PRSS56: variants seen among roughly 807,000 people sequenced by gnomAD.
PRSS56 encodes the protein protease, serine 56.
A neutral mutation model predicts 66.8 loss-of-function variants in PRSS56; 55 were observed. That is an observed-to-expected ratio of 0.82 (90% confidence interval 0.66 to 1.03). PRSS56 has a LOEUF of 1.03. Among genes scored for constraint, PRSS56 ranks in the 50% least tolerant of loss-of-function variants. The pLI is 0.00. For synonymous variants in PRSS56, 409 were observed against 387.9 expected (o/e 1.05, Z -0.64); for missense variants, 869 against 837.2 (o/e 1.04, Z -0.47).
chr2:232,520,911 A>C (rs1432289473), intron 1 of PRSS56, among the ~76,000 whole-genome samples: 1 of 152,162 alleles, frequency 6.6e-6, no homozygotes, highest in Non-Finnish European at 1.5e-5. Context: ...AGCATGCCGA[A>C]AGGAATGGAG....
At position 232,522,128 on chromosome 2, in the gene PRSS56, C is replaced by T. The variant is rs1199553814; in HGVS notation, c.414C>T (p.Ser138=). 1 of 1,517,334 alleles carries T rather than the reference C, an allele frequency of 6.6e-7. No homozygotes were observed. The highest frequency in any genetic ancestry group is 8.8e-7 in the Non-Finnish European group (1 of 1,139,452). 94.0% of individuals were successfully genotyped at this position (1,517,334 alleles called of 1,614,324 possible). A position where few individuals can be genotyped will look rare whatever the true frequency, so the allele number is the denominator to read the frequency against. ...GCGGCGGCGTCCTGGTAGCGGCCTC[C>T]TGGGTGCTCACGGCAGCGCACTGCT... ...PLCGGVLVAA[S]WVLTAAHCFV... is the part of the protein sequence containing the mutation. The change falls in exon 4 of 13, where the codon TCC becomes TCT. Residue 138 remains serine, a synonymous_variant. Coordinates refer to ENST00000617714, the MANE Select transcript of PRSS56 (RefSeq NM_001195129.2).
Position 232,523,132 on chromosome 2 carries a change from T to C in PRSS56, c.779T>C (p.Leu260Pro). 6.5e-7 allele frequency: 1 copy of C among 1,533,560 alleles called. No homozygotes were observed. Among genetic ancestry groups the C allele is most frequent in the South Asian group, 1.2e-5 (1 of 83,780 alleles). The allele number at this position is 1,533,560 out of a possible 1,614,324, so 95.0% of individuals were successfully genotyped here. Residue 260 changes from leucine (L) to proline (P), a missense_variant, in exon 7 of 13, where the codon CTG becomes CCG. By Grantham distance (98) the Leu-to-Pro change is moderately conservative. Around this residue, in one of 3 missense-constraint regions of PRSS56, gnomAD observed 551 missense variants for 506.9 expected, o/e 1.09. Transcript: ENST00000617714. ...LLSTDTCRRA[L>P]GPGLRPSTML... ...AGCACCGACACCTGCCGAAGAGCCC[T>C]GGGGCCCGGGCTGCGCCCCAGCACC... is the stretch of plus-strand genomic sequence containing the variant.
chr2:232,521,237 G>A (rs979095579), intron 1 of PRSS56, 84 bp from the exon 2 acceptor site: 1 of 1,127,784 alleles, frequency 8.9e-7, no homozygotes, highest in Non-Finnish European at 1.3e-6. Flanking sequence ...GGTCTCCCGA[G>A]GCAGGGCTCA....
Position 232,525,225 on chromosome 2 carries a change from G to T in PRSS56, c.1531G>T (p.Asp511Tyr), listed in dbSNP as rs1286301333. The T allele has an allele frequency of 6.7e-7, 1 of 1,497,174 alleles. No homozygotes were observed. Among genetic ancestry groups the T allele is most frequent in the Admixed American group, 2.2e-5 (1 of 45,988 alleles). 92.7% of individuals were successfully genotyped at this position (1,497,174 alleles called of 1,614,324 possible). A position where few individuals can be genotyped will look rare whatever the true frequency, so the allele number is the denominator to read the frequency against. ...ACTCCTCCATCTGTAGGTCCTGGCA[G>T]ATCTGGGCTCCAAGACACTGACCGG... The part of the protein sequence containing the change: ...LAMNFHEVLA[D>Y]LGSKTLTGLF... The change falls in exon 13 of 13, where the codon GAT becomes TAT. Residue 511 changes from aspartate to tyrosine, a missense_variant. By Grantham distance (160) the Asp-to-Tyr change is radical (BLOSUM62 -3). Around this residue, in one of 3 missense-constraint regions of PRSS56, gnomAD observed 551 missense variants for 506.9 expected, o/e 1.09. Coordinates refer to ENST00000617714, the MANE Select transcript of PRSS56 (RefSeq NM_001195129.2).
rs565510185 is a variant in PRSS56 at position 232,522,200 on chromosome 2, G to A, written c.446+40G>A. ...CAGGCCTTGCCCAGCTGGGGTCCCC[G>A]GCGCTGGGCCCCGCACCTGCCGGGT... On this transcript the variant is annotated intron_variant, in intron 4 of 12. Transcript: ENST00000617714. The A allele has an allele frequency of 4.1e-4, 585 of 1,414,884 alleles. 2 individuals carry two copies. The African/African-American group carries it at 7.8e-3, about 19-fold the overall frequency. 87.6% of individuals were successfully genotyped at this position (1,414,884 alleles called of 1,614,324 possible). A position where few individuals can be genotyped will look rare whatever the true frequency, so the allele number is the denominator to read the frequency against.
rs985924095 is a variant in PRSS56 at position 232,523,527 on chromosome 2, G to C, written c.961G>C (p.Val321Leu). ...DGCGEPGKPGVYTRVAVFKDW... is the reference protein window; with the variant it reads ...DGCGEPGKPGLYTRVAVFKDW... ...CTGCGGGGAGCCAGGGAAGCCCGGG[G>C]TCTACACCCGCGTGGCAGTGTTCAA... Residue 321 changes from valine to leucine, a missense_variant, in exon 8 of 13, where the codon GTC becomes CTC. Coordinates refer to ENST00000617714, the MANE Select transcript of PRSS56 (RefSeq NM_001195129.2). The C allele has an allele frequency of 2.6e-6, 4 of 1,532,592 alleles. No homozygotes were observed. The highest frequency in any genetic ancestry group is 3.5e-6 in the Non-Finnish European group (4 of 1,145,634). The allele number at this position is 1,532,592 out of a possible 1,614,324, so 94.9% of individuals were successfully genotyped here. A position where few individuals can be genotyped will look rare whatever the true frequency, so the allele number is the denominator to read the frequency against.
At position 232,525,231 on chromosome 2, in the gene PRSS56, G is replaced by A. The variant is rs1018998176; in HGVS notation, c.1537G>A (p.Gly513Ser). Reference protein sequence around the residue: ...MNFHEVLADLGSKTLTGLFRA... With the variant: ...MNFHEVLADLSSKTLTGLFRA... Reference sequence around the variant, plus strand: ...CCATCTGTAGGTCCTGGCAGATCTGGGCTCCAAGACACTGACCGGGCTTTT... The same window carrying A: ...CCATCTGTAGGTCCTGGCAGATCTGAGCTCCAAGACACTGACCGGGCTTTT... The change falls in exon 13 of 13, where the codon GGC becomes AGC. Residue 513 changes from glycine to serine, a missense_variant. This residue lies in a region of PRSS56 where 551 missense variants were observed against 506.9 expected (regional missense o/e 1.09). Coordinates refer to ENST00000617714, the MANE Select transcript of PRSS56 (RefSeq NM_001195129.2). 1 of 1,501,144 alleles carries A rather than the reference G, an allele frequency of 6.7e-7. No individual in the cohort carries two copies. Among genetic ancestry groups the A allele is most frequent in the African/African-American group, 1.4e-5 (1 of 71,994 alleles). 93.0% of individuals were successfully genotyped at this position (1,501,144 alleles called of 1,614,324 possible). A position where few individuals can be genotyped will look rare whatever the true frequency, so the allele number is the denominator to read the frequency against.
At chr2:232,521,713 G>GC in intron 2 of PRSS56, 103 bp from the exon 3 acceptor site, 1 of 1,176,974 alleles carries the variant, frequency 8.5e-7, no homozygotes, top group Non-Finnish European at 1.2e-6. Flanking sequence ...GGGCTGGAGG[G>GC]CTGAGCGCGA....
chr2:232,520,524 A>C lies in PRSS56; in HGVS notation c.-75A>C. ...CGAAAGGCAGCAGAAGGCGGGCACC[A>C]AAGGATAGGCACCCGGAAGGTGGAC... On this transcript the variant is annotated 5_prime_UTR_variant, in exon 1 of 13. Coordinates refer to ENST00000617714, the MANE Select transcript of PRSS56 (RefSeq NM_001195129.2). 7.9e-7 allele frequency: 1 copy of C among 1,262,228 alleles called. No homozygotes were observed. The highest frequency in any genetic ancestry group is 1.1e-6 in the Non-Finnish European group (1 of 897,240). 78.2% of individuals were successfully genotyped at this position (1,262,228 alleles called of 1,614,324 possible).
Position 232,525,263 on chromosome 2 carries a change from C to T in PRSS56, c.1569C>T (p.Ala523=), listed in dbSNP as rs2106203995. 1 of 1,517,882 alleles carries T rather than the reference C, an allele frequency of 6.6e-7. No homozygotes were observed. Among genetic ancestry groups the T allele is most frequent in the Non-Finnish European group, 8.8e-7 (1 of 1,136,334 alleles). 94.0% of individuals were successfully genotyped at this position (1,517,882 alleles called of 1,614,324 possible). A position where few individuals can be genotyped will look rare whatever the true frequency, so the allele number is the denominator to read the frequency against. Residue 523 remains alanine (A), a synonymous_variant, in exon 13 of 13, where the codon GCC becomes GCT. Coordinates refer to ENST00000617714, the MANE Select transcript of PRSS56 (RefSeq NM_001195129.2). ...AGACACTGACCGGGCTTTTCAGAGC[C>T]TGGGTGCGGGCAGGCTTGGGGGGCC... ...GSKTLTGLFR[A]WVRAGLGGRH...
Sources: gnomAD v4.1 joint callset for allele counts (sites outside exome capture counted in the v4.1 genomes callset) on GRCh38, gnomAD v4.1.1 for gene constraint, gnomAD v4.1.1 regional missense constraint, MANE v1.5 for transcripts, NCBI Gene and HGNC (gene_info 2026-07-23, HGNC 2026-07-21) for gene names.